Variants in TTC7B observed in about 807,000 individuals in gnomAD.
TTC7B encodes the protein tetratricopeptide repeat domain 7B, also known as tetratricopeptide repeat protein 7B.
Under a neutral mutation model 106.8 loss-of-function variants are expected in TTC7B, and 28 were observed. The observed-to-expected ratio is 0.26, with a 90% CI of 0.19 to 0.36. The LOEUF (loss-of-function observed/expected upper bound fraction) is 0.36, where lower values mean the gene tolerates loss of function less well. Ranked by LOEUF, TTC7B falls within the 10% of genes least tolerant of loss-of-function variation. The pLI is 1.00. For synonymous variants in TTC7B, 405 were observed against 430.6 expected (o/e 0.94, Z 0.74); for missense variants, 862 against 1,076.4 (o/e 0.80, Z 2.79).
intron 9 of TTC7B, among the ~76,000 whole-genome samples, chr14:90,662,158 C>T (rs1039449958): frequency 6.6e-6 from 1 of 152,190 alleles, no homozygotes; most frequent in Non-Finnish European, 1.5e-5. Flanking sequence ...CAGGCACTCC[C>T]AAGAAGAGAA....
At chr14:90,813,531 G>T (rs999947103) in intron 1 of TTC7B, among the ~76,000 whole-genome samples, 35 of 152,130 alleles carry the variant, frequency 2.3e-4, no homozygotes, top group Admixed American at 2.3e-3. Flanking sequence ...ACCCCTGCAA[G>T]GTAAGTCATT....
chr14:90,548,831 G>C (rs1020574666), intron 19 of TTC7B, among the ~76,000 whole-genome samples: 1 of 152,190 alleles, frequency 6.6e-6, no homozygotes, highest in South Asian at 2.1e-4. Context: ...GAGGGTGAAA[G>C]ATTTTCTCAG....
intron 2 of TTC7B, among the ~76,000 whole-genome samples, chr14:90,781,686 T>C (rs4904729): frequency 0.27 from 41,696 of 152,092 alleles, 9,461 homozygotes; most frequent in African/African-American, 0.63. Flanking sequence ...CAAATGGATG[T>C]GAAGATCAGG....
chr14:90,722,946 A>T (rs1888953829), intron 5 of TTC7B, among the ~76,000 whole-genome samples: 1 of 151,914 alleles, frequency 6.6e-6, no homozygotes, highest in Admixed American at 6.6e-5. Flanking sequence ...TTCTCTCTTT[A>T]CTCTCTGCCC....
chr14:90,591,946 GAGA>G (rs1240900422), intron 18 of TTC7B, among the ~76,000 whole-genome samples: 1 of 152,230 alleles, frequency 6.6e-6, no homozygotes, highest in Admixed American at 6.5e-5. Flanking sequence ...GTCTGCAGCA[GAGA>G]AGAACAACTG....
chr14:90,653,547 G>A (rs1181222811), intron 12 of TTC7B, among the ~76,000 whole-genome samples: 1 of 152,216 alleles, frequency 6.6e-6, no homozygotes, highest in Non-Finnish European at 1.5e-5. Flanking sequence ...CAGAGCATGT[G>A]AGAAATGGCC....
At chr14:90,597,238 A>T (rs750065366) in intron 17 of TTC7B, among the ~76,000 whole-genome samples, 10 of 152,258 alleles carry the variant, frequency 6.6e-5, no homozygotes, top group Non-Finnish European at 1.2e-4. Flanking sequence ...TAGTGAAATT[A>T]TATAAGTTGG....
In TTC7B at chr14:90,539,820, C is replaced by T. The variant is rs953583862; in HGVS notation, c.*1548G>A. On this transcript the variant is annotated 3_prime_UTR_variant, in exon 20 of 20. Transcript: ENST00000328459. ...CTCAAACACCTCTACACCTTCTTCT[C>T]ATGGTGGCAAGAGGGCTGCTGCAGT... The T allele has an allele frequency of 6.6e-6, 1 of 152,266 alleles. No individual in the cohort carries two copies. Among genetic ancestry groups the T allele is most frequent in the Non-Finnish European group, 1.5e-5 (1 of 68,064 alleles). 9.4% of individuals were successfully genotyped at this position (152,266 alleles called of 1,614,324 possible).
chr14:90,683,633 C>T (rs1008047535), intron 7 of TTC7B, among the ~76,000 whole-genome samples: 4 of 152,100 alleles, frequency 2.6e-5, no homozygotes, highest in Non-Finnish European at 5.9e-5. Context: ...CAAAAATCTC[C>T]CCATGACAAA....
At chr14:90,771,988 A>T (rs1323320238) in intron 3 of TTC7B, among the ~76,000 whole-genome samples, 1 of 146,418 alleles carries the variant, frequency 6.8e-6, no homozygotes, top group Non-Finnish European at 1.5e-5. Flanking sequence ...TTATGTATAT[A>T]TTTATAATAT....
intron 3 of TTC7B, among the ~76,000 whole-genome samples, chr14:90,770,476 G>A (rs1566879214): frequency 6.6e-6 from 1 of 152,138 alleles, no homozygotes; most frequent in Non-Finnish European, 1.5e-5. Context: ...GACCAACATG[G>A]AGAAACCCCG....
intron 15 of TTC7B, among the ~76,000 whole-genome samples, chr14:90,642,449 T>C (rs1176340490): frequency 2.6e-5 from 4 of 152,224 alleles, no homozygotes; most frequent in African/African-American, 7.2e-5. Flanking sequence ...CTGCACTTCC[T>C]TCTGAAAGTG....
intron 17 of TTC7B, among the ~76,000 whole-genome samples, chr14:90,604,008 T>G (rs1892537761): frequency 6.6e-6 from 1 of 152,176 alleles, no homozygotes; most frequent in Non-Finnish European, 1.5e-5. Flanking sequence ...GAAAGCCCAG[T>G]GGGTGCTCAT....
chr14:90,776,501 G>A (rs577044806), intron 3 of TTC7B, among the ~76,000 whole-genome samples: 33 of 152,206 alleles, frequency 2.2e-4, no homozygotes, highest in African/African-American at 7.0e-4. Flanking sequence ...ACTGTGCTAC[G>A]ACAACATCAA....
rs145468193 is a variant in TTC7B, at chr14:90,530,254, C to G, written c.*11114G>C. On this transcript the variant is annotated 3_prime_UTR_variant, in exon 20 of 20. Transcript: ENST00000328459. ...CTGCACTCCAGCCTGGGCAATTGAGCGAGACTCCATCCCAAAAAACAAAAA... is the reference window on the plus strand; with the variant it reads ...CTGCACTCCAGCCTGGGCAATTGAGGGAGACTCCATCCCAAAAAACAAAAA... The G allele has an allele frequency of 6.6e-6, 1 of 151,942 alleles. No individual in the cohort carries two copies. The highest frequency in any genetic ancestry group is 2.1e-4 in the South Asian group (1 of 4,816). The allele number at this position is 151,942 out of a possible 1,614,324, so 9.4% of individuals were successfully genotyped here.
In TTC7B at chr14:90,742,160, C is replaced by T. The variant is rs569380040; in HGVS notation, c.576+2632G>A. Among the ~76,000 whole-genome samples, 2 of 152,264 alleles carry T rather than the reference C, an allele frequency of 1.3e-5. No homozygotes were observed. Among genetic ancestry groups the T allele is most frequent in the South Asian group, 4.2e-4 (2 of 4,818 alleles). On this transcript the variant is annotated intron_variant, in intron 4 of 19. Coordinates refer to ENST00000328459, the MANE Select transcript of TTC7B (RefSeq NM_001010854.2). The surrounding 1 kb of genome is among the most constrained non-coding windows in gnomAD (Gnocchi z 4.1). ...GGCTCAAGCAATCCTCCCACCTAAG[C>T]CTCCCAAGTAGCTGGGACTACAGGC...
intron 19 of TTC7B, among the ~76,000 whole-genome samples, chr14:90,554,263 C>G (rs990694852): frequency 3.3e-5 from 5 of 152,248 alleles, no homozygotes; most frequent in Admixed American, 6.5e-5. Context: ...CACTCTGCGG[C>G]AGGTGTCCAG....
intron 11 of TTC7B, among the ~76,000 whole-genome samples, chr14:90,656,703 G>A (rs1005600087): frequency 1.3e-5 from 2 of 152,142 alleles, no homozygotes; most frequent in African/African-American, 2.4e-5. Context: ...TGAGGTGAAA[G>A]GATGACTCGA....
chr14:90,557,475 T>C (rs559591461), intron 19 of TTC7B, among the ~76,000 whole-genome samples: 34 of 152,364 alleles, frequency 2.2e-4, no homozygotes, highest in Non-Finnish European at 4.4e-4. Flanking sequence ...TGATGAAATC[T>C]TCCACCCAAG....
Sources: gnomAD v4.1 joint callset for allele counts (sites outside exome capture counted in the v4.1 genomes callset) on GRCh38, gnomAD v4.1.1 for gene constraint, Gnocchi (gnomAD v3.1) non-coding constraint, MANE v1.5 for transcripts, NCBI Gene and HGNC (gene_info 2026-07-23, HGNC 2026-07-21) for gene names.